Variants in BCL2L13 observed in about 807,000 individuals in gnomAD.
BCL2L13 encodes the protein BCL2 like 13, also known as bcl-2-like protein 13.
Under a neutral mutation model 25.8 loss-of-function variants are expected in BCL2L13, and 13 were observed. The ratio of observed to expected loss-of-function variants is 0.50; its 90% CI spans 0.33 to 0.80. The LOEUF (loss-of-function observed/expected upper bound fraction) is 0.80, where lower values mean the gene tolerates loss of function less well. Ranked by LOEUF, BCL2L13 falls within the 30% of genes least tolerant of loss-of-function variation. The pLI, the probability that BCL2L13 is intolerant of heterozygous loss-of-function variation, is 0.02. For missense variants in BCL2L13, 504 were observed against 574.9 expected (o/e 0.88, Z 1.26); for synonymous variants, 244 against 230.3 (o/e 1.06, Z -0.54).
intron 1 of BCL2L13, among the ~76,000 whole-genome samples, chr22:17,651,939 C>T (rs2058704275): frequency 6.6e-6 from 1 of 152,000 alleles, no homozygotes; most frequent in Non-Finnish European, 1.5e-5. Context: ...ATCCACCTGC[C>T]TTGGCCTCCC....
At chr22:17,695,513 G>T (rs1349328234) in intron 4 of BCL2L13, among the ~76,000 whole-genome samples, 1 of 152,006 alleles carries the variant, frequency 6.6e-6, no homozygotes, top group African/African-American at 2.4e-5. Flanking sequence ...GTAGAGACGG[G>T]GTTTCACCAT....
intron 2 of BCL2L13, among the ~76,000 whole-genome samples, chr22:17,659,563 A>G (rs998490336): frequency 6.9e-6 from 1 of 145,524 alleles, no homozygotes; most frequent in African/African-American, 2.4e-5. Flanking sequence ...TAGGAGGCTG[A>G]GGCAGGGGAA....
intron 5 of BCL2L13, among the ~76,000 whole-genome samples, chr22:17,697,915 G>A (rs1231145644): frequency 3.3e-5 from 5 of 151,930 alleles, no homozygotes; most frequent in African/African-American, 9.7e-5. Flanking sequence ...TGCAACCTCC[G>A]CCTCCCAGGT....
At chr22:17,699,135 TG>T (rs528405509) in intron 5 of BCL2L13, among the ~76,000 whole-genome samples, 4 of 152,334 alleles carry the variant, frequency 2.6e-5, no homozygotes, top group Admixed American at 2.6e-4. Context: ...TGCATCACAC[TG>T]GGTGACATAT....
intron 6 of BCL2L13, among the ~76,000 whole-genome samples, chr22:17,726,215 G>A (rs1287049241): frequency 6.6e-6 from 1 of 152,128 alleles, no homozygotes; most frequent in African/African-American, 2.4e-5. Context: ...ACTGGGCGTG[G>A]TGGCAGGTGC....
At chr22:17,645,661 AAATG>A (rs1189705897) in intron 1 of BCL2L13, among the ~76,000 whole-genome samples, 1 of 151,656 alleles carries the variant, frequency 6.6e-6, no homozygotes, top group African/African-American at 2.4e-5. Flanking sequence ...TTAGAAAAGA[AAATG>A]AACCATATAT....
intron 1 of BCL2L13, among the ~76,000 whole-genome samples, chr22:17,653,410 T>C (rs1460329161): frequency 1.3e-5 from 2 of 152,042 alleles, no homozygotes; most frequent in Non-Finnish European, 2.9e-5. Context: ...CCTTCTTACA[T>C]CTCTTGCTGA....
chr22:17,629,650 C>T (rs2057963013), intron 1 of BCL2L13, among the ~76,000 whole-genome samples: 2 of 152,014 alleles, frequency 1.3e-5, no homozygotes, highest in African/African-American at 2.4e-5. Flanking sequence ...AATGGTACAC[C>T]CACTTTTTTC....
At chr22:17,704,207 T>G (rs942973051) in intron 6 of BCL2L13, among the ~76,000 whole-genome samples, 2 of 152,102 alleles carry the variant, frequency 1.3e-5, no homozygotes, top group African/African-American at 4.8e-5. Flanking sequence ...TGCCTCAGCC[T>G]CCTGAGTAGC....
intron 2 of BCL2L13, among the ~76,000 whole-genome samples, chr22:17,657,844 T>TTTTTTTTTG (rs2058931158): frequency 7.5e-6 from 1 of 133,980 alleles, no homozygotes; most frequent in Non-Finnish European, 1.6e-5. Flanking sequence ...TTTTTTTTTT[T>TTTTTTTTTG]GAGATGAGTC....
intron 1 of BCL2L13, among the ~76,000 whole-genome samples, chr22:17,629,944 C>T (rs1464575245): frequency 6.6e-6 from 1 of 152,082 alleles, no homozygotes; most frequent in Admixed American, 6.6e-5. Context: ...CCGGGCCAGG[C>T]GCGGTGTCTC....
intron 1 of BCL2L13, among the ~76,000 whole-genome samples, chr22:17,652,454 T>A (rs2058718968): frequency 1.3e-5 from 2 of 152,158 alleles, no homozygotes; most frequent in South Asian, 4.1e-4. Context: ...TTTCTTTTTT[T>A]TGAGACTGAG....
rs2061362475 is a variant in BCL2L13, at chr22:17,729,140, A to G, written c.*1606A>G. The G allele has an allele frequency of 6.6e-6, 1 of 152,192 alleles. No individual in the cohort carries two copies. The highest frequency in any genetic ancestry group is 2.4e-5 in the African/African-American group (1 of 41,452). The allele number at this position is 152,192 out of a possible 1,614,324, so 9.4% of individuals were successfully genotyped here. ...TACTTTACCTACCCTGATCACCAAA[A>G]CCTGATGTTTTAAATGTGCTTTCTT... On this transcript the variant is annotated 3_prime_UTR_variant, in exon 7 of 7. Transcript: ENST00000317582.
At chr22:17,638,662 G>C (rs1366539870), upstream of BCL2L13, 2 of 1,231,384 alleles carry the variant, frequency 1.6e-6, no homozygotes, top group East Asian at 6.3e-5. Context: ...GGCCTCCGTT[G>C]GTCGGTCCTT....
chr22:17,693,367 TG>T (rs2060164101), intron 4 of BCL2L13, among the ~76,000 whole-genome samples: 1 of 88,064 alleles, frequency 1.1e-5, no homozygotes, highest in Non-Finnish European at 2.3e-5. Flanking sequence ...ATTTATTTAG[TG>T]TTTGTTTTTT....
At chr22:17,711,850 G>T (rs1405332727) in intron 6 of BCL2L13, among the ~76,000 whole-genome samples, 1 of 152,102 alleles carries the variant, frequency 6.6e-6, no homozygotes. Context: ...CTGTGTAATT[G>T]TAAGGCACAT....
At chr22:17,631,093 G>GA (rs939948420) in intron 1 of BCL2L13, among the ~76,000 whole-genome samples, 2 of 150,864 alleles carry the variant, frequency 1.3e-5, no homozygotes, top group Non-Finnish European at 2.9e-5. Context: ...GCCAGTTGTA[G>GA]AAAATCACTC....
chr22:17,631,123 A>G (rs1049847759), intron 1 of BCL2L13, among the ~76,000 whole-genome samples: 9 of 148,812 alleles, frequency 6.0e-5, no homozygotes, highest in Non-Finnish European at 1.0e-4. Flanking sequence ...TTTTTTTGAG[A>G]CAGAAGAGTG....
rs139524806 is a variant in BCL2L13 at position 17,672,234 on chromosome 22, T to C, written c.122-10980T>C. ...TCTACCCTAGACCTACAGGACCAGATACTGCATGCTAGGACTTGGGAATCT... is the reference window on the plus strand; with the variant it reads ...TCTACCCTAGACCTACAGGACCAGACACTGCATGCTAGGACTTGGGAATCT... On this transcript the variant is annotated intron_variant, in intron 2 of 6. Transcript: ENST00000317582. Among the ~76,000 whole-genome samples the C allele has an allele frequency of 5.8e-3, 881 of 152,354 alleles. 13 individuals are homozygous for C. The highest frequency in any genetic ancestry group is 0.02 in the African/African-American group (838 of 41,582).
Sources: gnomAD v4.1 joint callset for allele counts (sites outside exome capture counted in the v4.1 genomes callset) on GRCh38, gnomAD v4.1.1 for gene constraint, MANE v1.5 for transcripts, NCBI Gene and HGNC (gene_info 2026-07-23, HGNC 2026-07-21) for gene names.